The following CTNNA2 variants were observed in gnomAD, a reference collection of about 807,000 sequenced individuals.
CTNNA2 encodes catenin alpha 2.
CTNNA2 carries 42 observed loss-of-function variants against 101.0 expected under a neutral mutation model. The observed-to-expected ratio is 0.42, with a 90% CI of 0.32 to 0.54. CTNNA2 has a LOEUF of 0.54. CTNNA2 is among the 20% of genes least tolerant of loss of function. CTNNA2 has a pLI of 0.14. For synonymous variants in CTNNA2, 450 were observed against 456.4 expected (o/e 0.99, Z 0.18); for missense variants, 871 against 1,223.1 (o/e 0.71, Z 4.29).
chr2:79,954,517 G>T (rs1689092933), intron 7 of CTNNA2, among the ~76,000 whole-genome samples: 1 of 152,118 alleles, frequency 6.6e-6, no homozygotes, highest in Non-Finnish European at 1.5e-5. Flanking sequence ...TAAAGCCATT[G>T]ACCTCACCTG....
chr2:80,194,974 G>A (rs895591437), intron 7 of CTNNA2, among the ~76,000 whole-genome samples: 3 of 151,794 alleles, frequency 2.0e-5, no homozygotes, highest in Non-Finnish European at 4.4e-5. Flanking sequence ...GCCTAATAAT[G>A]GCTTTAATGA....
At chr2:79,720,696 A>G (rs761433382) in intron 2 of CTNNA2, among the ~76,000 whole-genome samples, 3 of 152,120 alleles carry the variant, frequency 2.0e-5, no homozygotes, top group Non-Finnish European at 4.4e-5. Flanking sequence ...CATGGACACC[A>G]TTGGTATATA....
intron 7 of CTNNA2, among the ~76,000 whole-genome samples, chr2:80,366,298 T>A (rs185507780): frequency 1.3e-5 from 2 of 152,110 alleles, no homozygotes; most frequent in African/African-American, 2.4e-5. Flanking sequence ...TGAGGCCCAG[T>A]AGAAGTTGGA....
rs554036050 is a variant in CTNNA2, at chr2:79,733,637, G to A, written c.103-10750G>A. ...CCTCAAGATACCCCATTTATCACAT[G>A]TGACATGTGACCATCTAACATAGGG... On this transcript the variant is annotated intron_variant, in intron 2 of 18. Transcript: ENST00000402739. 3.0e-5 allele frequency among the ~76,000 whole-genome samples: 4 copies of A among 131,822 alleles called. No individual in the cohort carries two copies. In the East Asian group the frequency reaches 7.7e-4, roughly 26 times the overall value. 86.5% of individuals were successfully genotyped at this position (131,822 alleles called of 152,430 possible).
chr2:79,576,141 G>A (rs1188598785), intron 1 of CTNNA2, among the ~76,000 whole-genome samples: 1 of 152,112 alleles, frequency 6.6e-6, no homozygotes, highest in African/African-American at 2.4e-5. Flanking sequence ...TCACCATTCA[G>A]GCTCCAAAAA....
At chr2:79,502,972 C>T (rs1671336685) in intron 4 of CTNNA2, among the ~76,000 whole-genome samples, 1 of 152,090 alleles carries the variant, frequency 6.6e-6, no homozygotes, top group Non-Finnish European at 1.5e-5. Flanking sequence ...CAATATAGAC[C>T]TTCTCTTACC....
At chr2:79,361,136 T>C (rs757313924) in intron 3 of CTNNA2, among the ~76,000 whole-genome samples, 1 of 152,200 alleles carries the variant, frequency 6.6e-6, no homozygotes, top group Non-Finnish European at 1.5e-5. Context: ...AAATAACATC[T>C]CTTGATCCTA....
At chr2:79,353,080 C>T (rs867987830) in intron 3 of CTNNA2, among the ~76,000 whole-genome samples, 2 of 152,196 alleles carry the variant, frequency 1.3e-5, no homozygotes, top group Non-Finnish European at 2.9e-5. Flanking sequence ...TCACCTCCCA[C>T]CAGGACCCAC....
chr2:79,988,333 G>A (rs147123446), intron 7 of CTNNA2, among the ~76,000 whole-genome samples: 74 of 152,302 alleles, frequency 4.9e-4, no homozygotes, highest in African/African-American at 1.7e-3. Flanking sequence ...CCTCTATGAT[G>A]TGTCTATTTG....
At chr2:80,497,885 G>C (rs1471949296) in intron 9 of CTNNA2, among the ~76,000 whole-genome samples, 1 of 152,102 alleles carries the variant, frequency 6.6e-6, no homozygotes, top group Non-Finnish European at 1.5e-5. Context: ...CAGTGAGCTT[G>C]GAAGGGGCCT....
chr2:80,268,053 T>C (rs896587036), intron 7 of CTNNA2, among the ~76,000 whole-genome samples: 3 of 152,244 alleles, frequency 2.0e-5, no homozygotes, highest in Non-Finnish European at 2.9e-5. Flanking sequence ...CCAGGGGCTA[T>C]GCAGGGGCTG....
intron 7 of CTNNA2, among the ~76,000 whole-genome samples, chr2:80,306,405 TTTC>T (rs551524838): frequency 0.071 from 3,694 of 52,146 alleles, 42 homozygotes; most frequent in African/African-American, 0.1. Flanking sequence ...TTTTCTTTTC[TTTC>T]TTTCTTTCTT....
rs562683954 is a variant in CTNNA2 at position 80,584,335 on chromosome 2, T to G, written c.2007+2516T>G. The stretch of plus-strand genomic sequence containing the variant: ...AAGCTTTTAGTAACCCCATCCAACA[T>G]TGCTCTCAAATTCTGGAATTAAAGT... On this transcript the variant is annotated intron_variant, in intron 14 of 18. Coordinates refer to ENST00000402739, the MANE Select transcript of CTNNA2 (RefSeq NM_001282597.3). Among the ~76,000 whole-genome samples the G allele has an allele frequency of 2.6e-5, 4 of 151,918 alleles. No homozygotes were observed. The South Asian group carries it at 8.3e-4, about 32-fold the overall frequency.
intron 8 of CTNNA2, among the ~76,000 whole-genome samples, chr2:80,408,425 C>CA (rs1351576863): frequency 6.6e-6 from 1 of 152,170 alleles, no homozygotes; most frequent in Non-Finnish European, 1.5e-5. Context: ...TCTTAGCCTG[C>CA]CATCAAATCC....
chr2:80,074,278 A>T (rs905462623), intron 7 of CTNNA2, among the ~76,000 whole-genome samples: 2 of 152,148 alleles, frequency 1.3e-5, no homozygotes, highest in African/African-American at 4.8e-5. Flanking sequence ...TCCCTGAAGA[A>T]TCCTAGTTTT....
chr2:79,305,018 G>T (rs989871203), intron 2 of CTNNA2, among the ~76,000 whole-genome samples: 1 of 152,224 alleles, frequency 6.6e-6, no homozygotes, highest in South Asian at 2.1e-4. Flanking sequence ...AGATGACAAG[G>T]AAAGACTATA....
chr2:80,292,897 A>G (rs1373169762), intron 7 of CTNNA2, among the ~76,000 whole-genome samples: 3 of 152,144 alleles, frequency 2.0e-5, no homozygotes, highest in Non-Finnish European at 4.4e-5. Context: ...TTCCTACAGC[A>G]TGTTTGCTCT....
chr2:80,074,777 G>C (rs2148787252), intron 7 of CTNNA2, among the ~76,000 whole-genome samples: 1 of 152,246 alleles, frequency 6.6e-6, no homozygotes, highest in South Asian at 2.1e-4. Context: ...TAATTCAGTG[G>C]AATCACCCCA....
At chr2:79,709,366 A>G (rs549764677) in intron 2 of CTNNA2, among the ~76,000 whole-genome samples, 66 of 152,342 alleles carry the variant, frequency 4.3e-4, no homozygotes, top group African/African-American at 1.6e-3. Context: ...TAATAAAAAT[A>G]TAAGGAACAC....
Sources: allele counts gnomAD v4.1 joint callset (sites outside exome capture counted in the v4.1 genomes callset), GRCh38; gene constraint gnomAD v4.1.1; transcripts MANE v1.5; gene names NCBI Gene and HGNC (gene_info 2026-07-23, HGNC 2026-07-21).